Variants in MRTFB observed in about 807,000 individuals in gnomAD.
MRTFB encodes the protein myocardin-related transcription factor B.
MRTFB carries 29 observed loss-of-function variants against 104.2 expected under a neutral mutation model. The observed-to-expected ratio is 0.28, with a 90% CI of 0.21 to 0.38. The LOEUF (loss-of-function observed/expected upper bound fraction) is 0.38. Among genes scored for constraint, MRTFB ranks in the 10% least tolerant of loss-of-function variants. MRTFB has a pLI of 1.00. For missense variants in MRTFB, 1,270 were observed against 1,341.6 expected, an observed-to-expected ratio of 0.95 and a Z score of 0.83; for synonymous variants, 535 against 519.5, an observed-to-expected ratio of 1.03 and a Z score of -0.41.
intron 9 of MRTFB, among the ~76,000 whole-genome samples, chr16:14,238,212 G>A (rs532325812): frequency 6.6e-6 from 1 of 152,268 alleles, no homozygotes; most frequent in South Asian, 2.1e-4. Context: ...ACATCCAACA[G>A]TGCACGGGAT....
intron 9 of MRTFB, among the ~76,000 whole-genome samples, chr16:14,238,902 C>T (rs778667889): frequency 2.0e-5 from 3 of 152,068 alleles, no homozygotes; most frequent in East Asian, 1.9e-4. Context: ...AGTAGTATGC[C>T]GGTAAATGTT....
intron 15 of MRTFB, among the ~76,000 whole-genome samples, chr16:14,254,655 GA>G (rs1271281242): frequency 2.6e-5 from 4 of 152,232 alleles, no homozygotes; most frequent in African/African-American, 4.8e-5. Flanking sequence ...ATCTACCCAA[GA>G]AACATTTTGA....
chr16:14,135,213 C>T (rs2037648163), intron 2 of MRTFB, among the ~76,000 whole-genome samples: 2 of 152,182 alleles, frequency 1.3e-5, no homozygotes, highest in Non-Finnish European at 2.9e-5. Context: ...TTTCCAACTG[C>T]CCAAATCTGG....
chr16:14,190,004 TAA>T (rs2040106164), intron 3 of MRTFB, among the ~76,000 whole-genome samples: 1 of 152,200 alleles, frequency 6.6e-6, no homozygotes, highest in Non-Finnish European at 1.5e-5. Flanking sequence ...TTTGAAAATT[TAA>T]AAGAGGAAAA....
In MRTFB at chr16:14,263,455, G is replaced by C. The variant is rs1376272050; in HGVS notation, c.*2011G>C. ...TCTGGGCCTATCAGGTCCATACTTAGACCCTGAGCATCTTCTTCATTCAGA... is the reference window on the plus strand; with the variant it reads ...TCTGGGCCTATCAGGTCCATACTTACACCCTGAGCATCTTCTTCATTCAGA... On this transcript the variant is annotated 3_prime_UTR_variant, in exon 17 of 17. Coordinates refer to ENST00000571589, the MANE Select transcript of MRTFB (RefSeq NM_001308142.2). 6.6e-6 allele frequency: 1 copy of C among 152,176 alleles called. No homozygotes were observed. Among genetic ancestry groups the C allele is most frequent in the African/African-American group, 2.4e-5 (1 of 41,444 alleles). 9.4% of individuals were successfully genotyped at this position (152,176 alleles called of 1,614,324 possible).
rs143445398 is a variant in MRTFB, at chr16:14,147,848, A to G, written c.154+7088A>G. Among the ~76,000 whole-genome samples the G allele has an allele frequency of 2.5e-3, 383 of 152,356 alleles. 1 individual carries two copies. The highest frequency in any genetic ancestry group is 8.7e-3 in the African/African-American group (363 of 41,578). ...GAAATACCTTTGAGGCATCATAATT[A>G]ACACATTTATTAACAGTAAGATTTA... On this transcript the variant is annotated intron_variant, in intron 3 of 16. Transcript: ENST00000571589.
At chr16:14,187,263 G>C (rs1024297988) in intron 3 of MRTFB, among the ~76,000 whole-genome samples, 2 of 152,186 alleles carry the variant, frequency 1.3e-5, no homozygotes, top group Non-Finnish European at 2.9e-5. Flanking sequence ...CATGCAGTAA[G>C]GGGACTTGTA....
chr16:13,996,171 C>G, the MRTFB span, among the ~76,000 whole-genome samples: 1 of 152,022 alleles, frequency 6.6e-6, no homozygotes, highest in Non-Finnish European at 1.5e-5. Context: ...AGTCAGGAGG[C>G]TGAGGCATGA....
intron 2 of MRTFB, among the ~76,000 whole-genome samples, chr16:14,095,769 AC>A (rs1172401269): frequency 1.3e-5 from 2 of 152,260 alleles, no homozygotes; most frequent in Admixed American, 6.5e-5. Context: ...AATCTGAAAA[AC>A]AAAAAAGAGA....
intron 2 of MRTFB, among the ~76,000 whole-genome samples, chr16:14,107,976 C>T (rs1029382012): frequency 2.0e-5 from 3 of 152,164 alleles, no homozygotes; most frequent in Non-Finnish European, 2.9e-5. Flanking sequence ...ATTGGCCACC[C>T]CTGCCTTCTA....
the MRTFB span, among the ~76,000 whole-genome samples, chr16:14,044,385 C>T: frequency 8.5e-5 from 13 of 152,218 alleles, no homozygotes; most frequent in Admixed American, 2.6e-4. Context: ...TGACCTTTGT[C>T]ATGCTATTCA....
At chr16:14,135,936 C>A (rs1187650154) in intron 2 of MRTFB, among the ~76,000 whole-genome samples, 2 of 152,092 alleles carry the variant, frequency 1.3e-5, no homozygotes, top group African/African-American at 2.4e-5. Context: ...TGAAGACTTC[C>A]CTAACTTACC....
At chr16:14,104,151 G>A (rs1467183339) in intron 2 of MRTFB, among the ~76,000 whole-genome samples, 1 of 152,182 alleles carries the variant, frequency 6.6e-6, no homozygotes, top group Non-Finnish European at 1.5e-5. Context: ...GTTATAGAGT[G>A]GAGGGTGTGT....
chr16:14,197,009 G>A (rs941525733), intron 3 of MRTFB, among the ~76,000 whole-genome samples: 1 of 107,554 alleles, frequency 9.3e-6, no homozygotes, highest in African/African-American at 3.7e-5. Flanking sequence ...TCACTCTGTT[G>A]CCCAGACTGG....
At chr16:14,029,417 AAAAT>A in the MRTFB span, among the ~76,000 whole-genome samples, 4 of 70,436 alleles carry the variant, frequency 5.7e-5, no homozygotes, top group African/African-American at 1.2e-4. Context: ...AAAAAAAAAA[AAAAT>A]ATATATATAT....
intron 2 of MRTFB, among the ~76,000 whole-genome samples, chr16:14,094,733 A>G (rs971328351): frequency 6.6e-6 from 1 of 152,230 alleles, no homozygotes; most frequent in Non-Finnish European, 1.5e-5. Flanking sequence ...ACTGCAGTAT[A>G]TAATACAGGT....
At chr16:14,006,643 A>G in the MRTFB span, among the ~76,000 whole-genome samples, 1 of 152,154 alleles carries the variant, frequency 6.6e-6, no homozygotes, top group African/African-American at 2.4e-5. Context: ...TGTTCTAAAC[A>G]ATAGTATTGT....
chr16:14,003,644 C>CCTGCCTGCCTGCCTGCCTGCCTG, the MRTFB span, among the ~76,000 whole-genome samples: 20 of 10,520 alleles, frequency 1.9e-3, no homozygotes, highest in Non-Finnish European at 5.4e-3. Context: ...CTGCCTGCCT[C>CCTGCCTGCCTGCCTGCCTGCCTG]CCTCCCTCCC....
intron 15 of MRTFB, among the ~76,000 whole-genome samples, chr16:14,256,230 G>C (rs1597391389): frequency 8.3e-6 from 1 of 121,062 alleles, no homozygotes. Flanking sequence ...ATGAATAGAA[G>C]ACAAATATAA....
Sources: gnomAD v4.1 joint callset for allele counts (sites outside exome capture counted in the v4.1 genomes callset) on GRCh38, gnomAD v4.1.1 for gene constraint, MANE v1.5 for transcripts, NCBI Gene and HGNC (gene_info 2026-07-23, HGNC 2026-07-21) for gene names.